TMEFF2: variants seen among roughly 807,000 people sequenced by gnomAD.
TMEFF2 encodes tomoregulin-2.
Under a neutral mutation model 53.8 loss-of-function variants are expected in TMEFF2, and 28 were observed. That is an observed-to-expected ratio of 0.52 (90% CI 0.39 to 0.71). TMEFF2 has a LOEUF of 0.71. TMEFF2 is among the 30% of genes least tolerant of loss of function. The pLI is 0.00. For synonymous variants in TMEFF2, 162 were observed against 166.3 expected, an observed-to-expected ratio of 0.97 and a Z score of 0.20; for missense variants, 353 against 455.2, an observed-to-expected ratio of 0.78 and a Z score of 2.04.
At chr2:192,098,821 C>G (rs1182298884) in intron 4 of TMEFF2, among the ~76,000 whole-genome samples, 1 of 152,036 alleles carries the variant, frequency 6.6e-6, no homozygotes, top group African/African-American at 2.4e-5. Context: ...GTGAATACTA[C>G]AAAATTTTAG....
chr2:192,105,619 A>G (rs1461032494), intron 4 of TMEFF2, among the ~76,000 whole-genome samples: 21 of 152,092 alleles, frequency 1.4e-4, no homozygotes, highest in Non-Finnish European at 1.0e-4. Context: ...AGTTAACTTC[A>G]GAACTAGAAA....
At chr2:191,964,188 T>C (rs1692348406) in intron 7 of TMEFF2, among the ~76,000 whole-genome samples, 1 of 152,004 alleles carries the variant, frequency 6.6e-6, no homozygotes, top group South Asian at 2.1e-4. Flanking sequence ...AAAAACAATT[T>C]CCTTCCTTTC....
chr2:192,151,334 A>G (rs1690382663), intron 4 of TMEFF2, among the ~76,000 whole-genome samples: 1 of 151,904 alleles, frequency 6.6e-6, no homozygotes. Context: ...AAAACTCTCC[A>G]CATAATTCTA....
At chr2:191,956,788 A>G (rs1692113410) in intron 7 of TMEFF2, among the ~76,000 whole-genome samples, 1 of 152,214 alleles carries the variant, frequency 6.6e-6, no homozygotes, top group African/African-American at 2.4e-5. Context: ...TACTTTCGCA[A>G]TACGAAAGCT....
chr2:192,121,293 G>C (rs902608729), intron 4 of TMEFF2, among the ~76,000 whole-genome samples: 4 of 152,126 alleles, frequency 2.6e-5, no homozygotes, highest in Admixed American at 6.6e-5. Context: ...CCAGATGAGA[G>C]GATATCTGGT....
chr2:192,028,549 A>G (rs1434499999), intron 5 of TMEFF2: 1 of 151,934 alleles, frequency 6.6e-6, no homozygotes, highest in Non-Finnish European at 1.5e-5. Context: ...GGATTAGCCA[A>G]CCATTTATAC....
At chr2:192,129,157 G>A (rs1689749541) in intron 4 of TMEFF2, among the ~76,000 whole-genome samples, 1 of 152,146 alleles carries the variant, frequency 6.6e-6, no homozygotes, top group East Asian at 1.9e-4. Context: ...CTGAAAAAAT[G>A]ACTAGGAATC....
At chr2:192,083,013 T>A (rs1050761014) in intron 4 of TMEFF2, among the ~76,000 whole-genome samples, 6 of 151,628 alleles carry the variant, frequency 4.0e-5, no homozygotes, top group African/African-American at 1.5e-4. Flanking sequence ...CGTTCTTCTG[T>A]GATGTTGCTG....
intron 5 of TMEFF2, among the ~76,000 whole-genome samples, chr2:192,008,805 C>T (rs560292959): frequency 6.6e-5 from 10 of 152,280 alleles, no homozygotes; most frequent in Non-Finnish European, 1.0e-4. Flanking sequence ...CTTTAGTGAT[C>T]GGGGTGGCTT....
intron 4 of TMEFF2, among the ~76,000 whole-genome samples, chr2:192,073,408 C>A (rs1365197627): frequency 6.6e-6 from 1 of 151,648 alleles, no homozygotes; most frequent in Non-Finnish European, 1.5e-5. Flanking sequence ...AGTTTTAGTG[C>A]AGCTGGGAAT....
intron 4 of TMEFF2, among the ~76,000 whole-genome samples, chr2:192,124,991 T>C (rs1484704449): frequency 6.6e-6 from 1 of 152,178 alleles, no homozygotes; most frequent in Non-Finnish European, 1.5e-5. Flanking sequence ...TAGCAGAGCC[T>C]TATGTTCTCT....
chr2:192,012,625 C>T (rs1190552591), intron 5 of TMEFF2, among the ~76,000 whole-genome samples: 1 of 152,130 alleles, frequency 6.6e-6, no homozygotes, highest in Non-Finnish European at 1.5e-5. Flanking sequence ...CTAGTTTGTT[C>T]TCTAATTTAG....
intron 4 of TMEFF2, among the ~76,000 whole-genome samples, chr2:192,065,996 C>A (rs1018094921): frequency 6.6e-6 from 1 of 151,658 alleles, no homozygotes; most frequent in African/African-American, 2.4e-5. Context: ...GAGGCCCAGA[C>A]AATTCTAAGC....
chr2:192,186,652 A>G (rs1453924114), intron 2 of TMEFF2, among the ~76,000 whole-genome samples: 1 of 152,146 alleles, frequency 6.6e-6, no homozygotes, highest in East Asian at 1.9e-4. Context: ...TGGACTAGTT[A>G]ACATCTCATG....
intron 7 of TMEFF2, among the ~76,000 whole-genome samples, chr2:191,959,973 C>A (rs1401166894): frequency 6.6e-6 from 1 of 152,124 alleles, no homozygotes; most frequent in Non-Finnish European, 1.5e-5. Context: ...ACCTCCTGGG[C>A]TCAAGTGATT....
chr2:192,034,640 T>C (rs1282238148), intron 5 of TMEFF2: 1 of 152,234 alleles, frequency 6.6e-6, no homozygotes, highest in Non-Finnish European at 1.5e-5. Context: ...ATTGTTGTCC[T>C]ACTTTATAAT....
chr2:192,128,692 T>A (rs1689737485), intron 4 of TMEFF2, among the ~76,000 whole-genome samples: 1 of 152,192 alleles, frequency 6.6e-6, no homozygotes, highest in South Asian at 2.1e-4. Context: ...ATGTTAATCT[T>A]TAAAAACAGT....
At chr2:192,136,742 C>T (rs1035776337) in intron 4 of TMEFF2, among the ~76,000 whole-genome samples, 1 of 151,976 alleles carries the variant, frequency 6.6e-6, no homozygotes, top group African/African-American at 2.4e-5. Flanking sequence ...CTTTTTTAAA[C>T]ATTAAGTTTC....
chr2:191,965,457 G>A (rs1166152048), intron 7 of TMEFF2, among the ~76,000 whole-genome samples: 2 of 152,206 alleles, frequency 1.3e-5, no homozygotes, highest in South Asian at 2.1e-4. Context: ...TTGCCCTCTC[G>A]AAATATGTTT....
Sources: gnomAD v4.1 joint callset for allele counts (sites outside exome capture counted in the v4.1 genomes callset) on GRCh38, gnomAD v4.1.1 for gene constraint, MANE v1.5 for transcripts, NCBI Gene and HGNC (gene_info 2026-07-23, HGNC 2026-07-21) for gene names.